The following ADGRD1 variants were observed in gnomAD, a reference collection of about 807,000 sequenced individuals.
ADGRD1 encodes adhesion G protein-coupled receptor D1.
ADGRD1 carries 77 observed loss-of-function variants against 113.4 expected under a neutral mutation model. That is an observed-to-expected ratio of 0.68 (90% CI 0.57 to 0.82). The LOEUF (loss-of-function observed/expected upper bound fraction) is 0.82, where lower values mean the gene tolerates loss of function less well. Ranked by LOEUF, ADGRD1 falls within the 40% of genes least tolerant of loss-of-function variation. ADGRD1 has a pLI of 0.00. For synonymous variants in ADGRD1, 474 were observed against 475.0 expected (o/e 1.00, Z 0.03); for missense variants, 1,036 against 1,139.1 (o/e 0.91, Z 1.30).
intron 12 of ADGRD1, among the ~76,000 whole-genome samples, chr12:131,012,886 G>A (rs1384827148): frequency 6.6e-6 from 1 of 152,304 alleles, no homozygotes; most frequent in African/African-American, 2.4e-5. Flanking sequence ...AGAAGCAGAC[G>A]GCTGGGTGAC....
chr12:131,131,202 T>TC (rs1161403593), intron 20 of ADGRD1, among the ~76,000 whole-genome samples: 1 of 152,088 alleles, frequency 6.6e-6, no homozygotes, highest in African/African-American at 2.4e-5. Context: ...TCCAGCAGTT[T>TC]CCCAGCAAGG....
At position 131,027,815 on chromosome 12, in the gene ADGRD1, T is replaced by A. The variant is rs1051786574; in HGVS notation, c.1473+13475T>A. 1 of 152,210 alleles carries A rather than the reference T, an allele frequency of 6.6e-6. No homozygotes were observed. The highest frequency in any genetic ancestry group is 2.4e-5 in the African/African-American group (1 of 41,452). 9.4% of individuals were successfully genotyped at this position (152,210 alleles called of 1,614,324 possible). A position where few individuals can be genotyped will look rare whatever the true frequency, so the allele number is the denominator to read the frequency against. The stretch of plus-strand genomic sequence containing the variant: ...GCCTGCAGAAAAGCACGTATATGTG[T>A]GTATGGTATGACAGTTTTTACAAAG... On this transcript the variant is annotated intron_variant, in intron 13 of 24. Coordinates refer to ENST00000261654, the MANE Select transcript of ADGRD1 (RefSeq NM_198827.5). This position sits in a 1 kb window ranked among gnomAD's most constrained non-coding sequence, Gnocchi z 5.1.
chr12:131,025,942 C>G (rs1294813384), intron 13 of ADGRD1: 1 of 152,322 alleles, frequency 6.6e-6, no homozygotes, highest in Non-Finnish European at 1.5e-5. Context: ...CTGGTAAAGC[C>G]TGGGGGTGAG....
chr12:131,108,744 C>T lies in ADGRD1; in HGVS notation c.1908C>T (p.Ala636=), dbSNP rs773163978. 3.7e-6 allele frequency: 6 copies of T among 1,613,946 alleles called. No individual in the cohort carries two copies. Among genetic ancestry groups the T allele is most frequent in the Non-Finnish European group, 2.5e-6 (3 of 1,179,982 alleles). Residue 636 remains alanine (A), a synonymous_variant, in exon 18 of 25, where the codon GCC becomes GCT. Coordinates refer to ENST00000261654, the MANE Select transcript of ADGRD1 (RefSeq NM_198827.5). ...CCTAGACCCCCTGCCAAGTGATGGCCGTGCTCCTACACTACTTCTTCCTGA... is the reference window on the plus strand; with the variant it reads ...CCTAGACCCCCTGCCAAGTGATGGCTGTGCTCCTACACTACTTCTTCCTGA... ...EPGTTPCQVM[A]VLLHYFFLSA...
intron 13 of ADGRD1, among the ~76,000 whole-genome samples, chr12:131,062,297 C>A (rs962041169): frequency 2.0e-5 from 3 of 152,168 alleles, no homozygotes; most frequent in Non-Finnish European, 4.4e-5. Context: ...CTGACCAAAC[C>A]ACAATTTGTT....
At position 131,050,752 on chromosome 12, in the gene ADGRD1, G is replaced by A. The variant is rs1193909126; in HGVS notation, c.1474-26049G>A. On this transcript the variant is annotated intron_variant, in intron 13 of 24. Coordinates refer to ENST00000261654, the MANE Select transcript of ADGRD1 (RefSeq NM_198827.5). This position sits in a 1 kb window ranked among gnomAD's most constrained non-coding sequence, Gnocchi z 4.8. ...GTGGAAGACAATTTTTGCACGGATG[G>A]GGTGGGGGATGGATTCGGGATGAAA... 6.6e-6 allele frequency among the ~76,000 whole-genome samples: 1 copy of A among 152,164 alleles called. No individual in the cohort carries two copies. Among genetic ancestry groups the A allele is most frequent in the Non-Finnish European group, 1.5e-5 (1 of 68,048 alleles).
chr12:131,014,259 C>A lies in ADGRD1; in HGVS notation c.1392C>A (p.Ser464=). Residue 464 remains serine, a synonymous_variant, in exon 13 of 25, where the codon TCC becomes TCA. Transcript: ENST00000261654. ...TGTTCGCCACCAGCCACCTGATTTCCCTGGAGGTGTCCCCACCACCCACCC... is the reference window on the plus strand; with the variant it reads ...TGTTCGCCACCAGCCACCTGATTTCACTGGAGGTGTCCCCACCACCCACCC... ...CLLFATSHLI[S]LEVSPPPTLS... 6.2e-7 allele frequency: 1 copy of A among 1,614,076 alleles called. No individual in the cohort carries two copies. The highest frequency in any genetic ancestry group is 8.5e-7 in the Non-Finnish European group (1 of 1,179,912).
chr12:130,974,104 G>A (rs992832731), intron 4 of ADGRD1, among the ~76,000 whole-genome samples: 11 of 152,166 alleles, frequency 7.2e-5, no homozygotes, highest in South Asian at 2.1e-4. Flanking sequence ...GAGCCTGTGC[G>A]AGGGCCATGG....
At chr12:131,028,614 C>G (rs1320086891) in intron 13 of ADGRD1, among the ~76,000 whole-genome samples, 6 of 152,174 alleles carry the variant, frequency 3.9e-5, no homozygotes, top group African/African-American at 1.4e-4. Flanking sequence ...GTTTCTGTGT[C>G]TGCAGTGCAG....
At position 131,137,010 on chromosome 12, in the gene ADGRD1, C is replaced by T. The variant is rs747768916; in HGVS notation, c.2432C>T (p.Ser811Leu). ...TTCCTCTTTCATTGTCTCCTGAATT[C>T]AGAGGTACGTCCGCTCTGCTTGCTG... ...FIFLFHCLLN[S>L]EVRAAFKHKT... The change falls in exon 23 of 25, where the codon TCA (serine) becomes TTA (leucine). Residue 811 changes from serine (S) to leucine (L), a missense_variant. Transcript: ENST00000261654. 1 of 1,611,976 alleles carries T rather than the reference C, an allele frequency of 6.2e-7. No homozygotes were observed. The highest frequency in any genetic ancestry group is 1.7e-5 in the Admixed American group (1 of 60,022).
chr12:130,984,571 A>G lies in ADGRD1; in HGVS notation c.490+2508A>G, dbSNP rs1005643090. Among the ~76,000 whole-genome samples the G allele has an allele frequency of 6.6e-6, 1 of 151,990 alleles. No individual in the cohort carries two copies. Among genetic ancestry groups the G allele is most frequent in the Non-Finnish European group, 1.5e-5 (1 of 68,012 alleles). On this transcript the variant is annotated intron_variant, in intron 5 of 24. Coordinates refer to ENST00000261654, the MANE Select transcript of ADGRD1 (RefSeq NM_198827.5). This position sits in a 1 kb window ranked among gnomAD's most constrained non-coding sequence, Gnocchi z 4.1. ...CCTCTACACAGGCACAGCTTCCCCCACTATGGACATTCCCCCACCAGAATG... is the reference window on the plus strand; with the variant it reads ...CCTCTACACAGGCACAGCTTCCCCCGCTATGGACATTCCCCCACCAGAATG...
At chr12:131,033,279 G>A (rs964447683) in intron 13 of ADGRD1, among the ~76,000 whole-genome samples, 1 of 152,184 alleles carries the variant, frequency 6.6e-6, no homozygotes, top group African/African-American at 2.4e-5. Flanking sequence ...GGGGTGGGAA[G>A]GAAGGACTTC....
intron 12 of ADGRD1, among the ~76,000 whole-genome samples, chr12:131,009,107 G>C (rs1877548556): frequency 1.3e-5 from 2 of 152,330 alleles, no homozygotes; most frequent in South Asian, 4.1e-4. Flanking sequence ...CTGGTGATGG[G>C]GATGTCTGCC....
chr12:130,963,357 A>G lies in ADGRD1; in HGVS notation c.104-3106A>G, dbSNP rs555072687. On this transcript the variant is annotated intron_variant, in intron 2 of 24. Coordinates refer to ENST00000261654, the MANE Select transcript of ADGRD1 (RefSeq NM_198827.5). ...AAAAAAAAAAAGAAAGAAAAATTCA[A>G]ATTCAAATAGAACAGAAAGATAATG... Among the ~76,000 whole-genome samples, 3 of 150,810 alleles carry G rather than the reference A, an allele frequency of 2.0e-5. No homozygotes were observed. In the East Asian group the frequency reaches 5.8e-4, roughly 29 times the overall value.
chr12:131,099,481 C>A (rs1950019838), intron 15 of ADGRD1, among the ~76,000 whole-genome samples: 1 of 152,240 alleles, frequency 6.6e-6, no homozygotes, highest in Admixed American at 6.5e-5. Context: ...CCTAGATTGT[C>A]ACCTTCTGCC....
In ADGRD1 at chr12:131,005,996, T is replaced by C. The variant is rs1877060260; in HGVS notation, c.1280T>C (p.Leu427Pro). The change falls in exon 12 of 25, where the codon CTG becomes CCG. Residue 427 changes from leucine (L) to proline (P), a missense_variant. Transcript: ENST00000261654. ...GCCTGGAGCACCGTCGTGGGTCTGCTGTACCACAGCATGCACTACTACCTG... is the reference window on the plus strand; with the variant it reads ...GCCTGGAGCACCGTCGTGGGTCTGCCGTACCACAGCATGCACTACTACCTG... ...RHAWSTVVGL[L>P]YHSMHYYLNN... 1 of 1,612,226 alleles carries C rather than the reference T, an allele frequency of 6.2e-7. No homozygotes were observed. Among genetic ancestry groups the C allele is most frequent in the Non-Finnish European group, 8.5e-7 (1 of 1,180,008 alleles).
At chr12:130,979,549 A>G (rs1347991840) in intron 4 of ADGRD1, among the ~76,000 whole-genome samples, 1 of 152,174 alleles carries the variant, frequency 6.6e-6, no homozygotes, top group Non-Finnish European at 1.5e-5. Flanking sequence ...ACTCTCTAAG[A>G]CTGTGTCCAT....
At chr12:130,983,162 G>A (rs1443821924) in intron 5 of ADGRD1, among the ~76,000 whole-genome samples, 1 of 152,160 alleles carries the variant, frequency 6.6e-6, no homozygotes, top group Non-Finnish European at 1.5e-5. Context: ...TAATATGGCA[G>A]TAATAGCAGT....
At chr12:131,123,140 T>A (rs1040550328) in intron 20 of ADGRD1, among the ~76,000 whole-genome samples, 5 of 141,928 alleles carry the variant, frequency 3.5e-5, no homozygotes, top group African/African-American at 1.3e-4. Flanking sequence ...TACTGCAACC[T>A]CTGCTTCCCA....
Sources: allele counts gnomAD v4.1 joint callset (sites outside exome capture counted in the v4.1 genomes callset), GRCh38; gene constraint gnomAD v4.1.1; non-coding constraint Gnocchi (gnomAD v3.1); transcripts MANE v1.5; gene names NCBI Gene and HGNC (gene_info 2026-07-23, HGNC 2026-07-21).